The following ELOC variants were observed in gnomAD, a reference collection of about 807,000 sequenced individuals.
The protein encoded by ELOC is elongin-C.
For synonymous variants in ELOC, 40 were observed against 51.3 expected, an observed-to-expected ratio of 0.78 and a Z score of 0.94; for missense variants, 38 against 139.0, an observed-to-expected ratio of 0.27 and a Z score of 3.65.
Position 73,946,483 on chromosome 8 carries a change from T to G in ELOC, c.*147A>C, listed in dbSNP as rs1563667742. ...AAACAAATTTCAACTTTGATTGCTA[T>G]GCAAAAAAACAAGATAATCTGCTTT... On this transcript the variant is annotated 3_prime_UTR_variant, in exon 4 of 4. Transcript: ENST00000520242. 2 of 550,162 alleles carry G rather than the reference T, an allele frequency of 3.6e-6. No homozygotes were observed. The highest frequency in any genetic ancestry group is 5.9e-6 in the Non-Finnish European group (2 of 339,870). The allele number at this position is 550,162 out of a possible 1,614,324, so 34.1% of individuals were successfully genotyped here.
intron 3 of ELOC, among the ~76,000 whole-genome samples, chr8:73,953,412 C>G (rs1298951024): frequency 6.6e-6 from 1 of 152,098 alleles, no homozygotes; most frequent in Non-Finnish European, 1.5e-5. Flanking sequence ...CACAGTGGCT[C>G]ACGCTTGTAA....
At chr8:73,963,463 T>C (rs1266697844) in intron 1 of ELOC, among the ~76,000 whole-genome samples, 1 of 152,236 alleles carries the variant, frequency 6.6e-6, no homozygotes, top group Non-Finnish European at 1.5e-5. Context: ...TGATATTTTC[T>C]GAAAGGCTAT....
intron 3 of ELOC, among the ~76,000 whole-genome samples, chr8:73,953,527 T>A (rs901595369): frequency 6.7e-6 from 1 of 149,216 alleles, no homozygotes; most frequent in African/African-American, 2.5e-5. Flanking sequence ...AATACAAAAT[T>A]AGCTGGGCGT....
rs143130621 is a variant in ELOC, at chr8:73,956,341, C to G, written c.5-287G>C. Among the ~76,000 whole-genome samples, 43 of 152,152 alleles carry G rather than the reference C, an allele frequency of 2.8e-4. No individual in the cohort carries two copies. In the East Asian group the frequency reaches 8.1e-3, roughly 29 times the overall value. On this transcript the variant is annotated intron_variant, in intron 2 of 3. Transcript: ENST00000520242. ...TGGAGGCTGCAGTGAGCCGAGATCA[C>G]GCCACTGTAGTCCAGCCTGGATGAC... is the stretch of plus-strand genomic sequence containing the variant.
At chr8:73,956,930 A>C (rs963459680) in intron 2 of ELOC, among the ~76,000 whole-genome samples, 5 of 152,062 alleles carry the variant, frequency 3.3e-5, no homozygotes, top group Admixed American at 1.3e-4. Flanking sequence ...TCACGACGTC[A>C]GGAGATCGAG....
At chr8:73,969,006 C>T (rs757860703) in intron 1 of ELOC, among the ~76,000 whole-genome samples, 24 of 152,200 alleles carry the variant, frequency 1.6e-4, no homozygotes, top group Non-Finnish European at 2.6e-4. Context: ...CAGTCATCTG[C>T]CTTCTTCTCC....
chr8:73,954,491 T>C (rs987796143), intron 3 of ELOC, among the ~76,000 whole-genome samples: 4 of 151,596 alleles, frequency 2.6e-5, no homozygotes, highest in African/African-American at 4.8e-5. Flanking sequence ...CCGTCTCTAC[T>C]AAAAGTACAA....
At chr8:73,959,938 G>A in intron 1 of ELOC, 120 bp from the exon 2 acceptor site, 1 of 447,846 alleles carries the variant, frequency 2.2e-6, no homozygotes, top group Non-Finnish European at 3.9e-6. Flanking sequence ...TACATTACGA[G>A]CTCACCATTC....
intron 1 of ELOC, among the ~76,000 whole-genome samples, chr8:73,966,332 G>A (rs1814966598): frequency 6.6e-6 from 1 of 152,112 alleles, no homozygotes; most frequent in African/African-American, 2.4e-5. Context: ...TATGGAGGGA[G>A]AATGGCAAGG....
intron 1 of ELOC, among the ~76,000 whole-genome samples, chr8:73,968,756 T>A (rs764236520): frequency 3.3e-5 from 5 of 152,234 alleles, no homozygotes; most frequent in Admixed American, 1.3e-4. Context: ...ATTATTCCCA[T>A]CCACTTCTTA....
At chr8:73,949,700 G>C (rs1001390778) in intron 3 of ELOC, among the ~76,000 whole-genome samples, 7 of 152,152 alleles carry the variant, frequency 4.6e-5, no homozygotes, top group African/African-American at 1.7e-4. Flanking sequence ...TGCTGTCGAG[G>C]TGCATACGGA....
chr8:73,955,885 G>A (rs1363193612), intron 3 of ELOC, 26 bp downstream of exon 3: 1 of 1,572,094 alleles, frequency 6.4e-7, no homozygotes, highest in African/African-American at 1.4e-5. Flanking sequence ...GTGAATATAT[G>A]AAGAAAAAGA....
At chr8:73,955,173 A>G (rs1245980611) in intron 3 of ELOC, among the ~76,000 whole-genome samples, 1 of 152,170 alleles carries the variant, frequency 6.6e-6, no homozygotes, top group Non-Finnish European at 1.5e-5. Context: ...ATGCAACATA[A>G]TCATGCAAAA....
chr8:73,953,403 A>G (rs1263829062), intron 3 of ELOC, among the ~76,000 whole-genome samples: 1 of 151,760 alleles, frequency 6.6e-6, no homozygotes, highest in Admixed American at 6.6e-5. Context: ...GTGGCCAGGC[A>G]CAGTGGCTCA....
chr8:73,958,323 G>A (rs1319626877), intron 2 of ELOC, among the ~76,000 whole-genome samples: 1 of 151,982 alleles, frequency 6.6e-6, no homozygotes, highest in South Asian at 2.1e-4. Flanking sequence ...ATTCATCTAT[G>A]TTATGTCATC....
chr8:73,966,963 C>T (rs760192333), intron 1 of ELOC, among the ~76,000 whole-genome samples: 1 of 152,088 alleles, frequency 6.6e-6, no homozygotes, highest in Non-Finnish European at 1.5e-5. Context: ...TATGTCACTG[C>T]GGGAGAACTA....
At chr8:73,946,943 G>C in intron 3 of ELOC, 123 bp from the exon 4 acceptor site, 1 of 729,886 alleles carries the variant, frequency 1.4e-6, no homozygotes, top group Non-Finnish European at 2.2e-6. Context: ...CTTTAAAGAG[G>C]TAATTAAAAG....
intron 1 of ELOC, among the ~76,000 whole-genome samples, chr8:73,971,046 A>AG (rs1554597720): frequency 6.7e-6 from 1 of 149,768 alleles, no homozygotes; most frequent in African/African-American, 2.5e-5. Flanking sequence ...AAAAAAAAAA[A>AG]AAAAAGAAAA....
At chr8:73,957,637 A>C (rs566017139) in intron 2 of ELOC, among the ~76,000 whole-genome samples, 9 of 152,338 alleles carry the variant, frequency 5.9e-5, no homozygotes, top group African/African-American at 2.2e-4. Flanking sequence ...TTTGAATCAA[A>C]TCACAAGAAA....
Sources: gnomAD v4.1 joint callset for allele counts (sites outside exome capture counted in the v4.1 genomes callset) on GRCh38, gnomAD v4.1.1 for gene constraint, MANE v1.5 for transcripts, NCBI Gene and HGNC (gene_info 2026-07-23, HGNC 2026-07-21) for gene names.